The following FER1L5 variants were observed in gnomAD, a reference collection of about 807,000 sequenced individuals.
FER1L5 encodes the protein fer-1-like protein 5.
In FER1L5, 187 loss-of-function variants were observed where a neutral mutation model predicts 279.9. The ratio of observed to expected loss-of-function variants is 0.67; its 90% CI spans 0.59 to 0.75. The LOEUF (loss-of-function observed/expected upper bound fraction) is 0.75. Among genes scored for constraint, FER1L5 ranks in the 30% least tolerant of loss-of-function variants. The pLI, the probability that FER1L5 is intolerant of heterozygous loss-of-function variation, is 0.00. For synonymous variants in FER1L5, 921 were observed against 989.7 expected (o/e 0.93, Z 1.30); for missense variants, 2,091 against 2,594.4 (o/e 0.81, Z 4.21).
chr2:96,700,196 CCCTGGAG>C (rs1204686354), intron 44 of FER1L5, 116 bp downstream of exon 44: 1 of 1,550,414 alleles, frequency 6.4e-7, no homozygotes, highest in Non-Finnish European at 8.7e-7. Context: ...GGAAAGAGCT[CCCTGGAG>C]CCAAAGAGCA....
rs981602534 is a variant in FER1L5, at chr2:96,650,344, T to C, written c.504+55T>C. The C allele has an allele frequency of 4.8e-6, 7 of 1,456,684 alleles. No homozygotes were observed. In the African/African-American group the frequency reaches 9.8e-5, roughly 20 times the overall value. 90.2% of individuals were successfully genotyped at this position (1,456,684 alleles called of 1,614,324 possible). ...GGACTCACCTGACACTCTTGTTTGC[T>C]GTGTTCCCAGGCCACCTCACCCCTC... On this transcript the variant is annotated intron_variant, in intron 6 of 52. Coordinates refer to ENST00000624922, the MANE Select transcript of FER1L5 (RefSeq NM_001293083.2).
chr2:96,701,064 A>T (rs1034123481), intron 45 of FER1L5, among the ~76,000 whole-genome samples: 7 of 152,200 alleles, frequency 4.6e-5, no homozygotes, highest in African/African-American at 1.7e-4. Flanking sequence ...CTGTAATCCC[A>T]GCCTGTGGGA....
At chr2:96,677,062 G>A (rs1456016581) in intron 19 of FER1L5, among the ~76,000 whole-genome samples, 9 of 152,136 alleles carry the variant, frequency 5.9e-5, no homozygotes, top group African/African-American at 2.2e-4. Flanking sequence ...GGCTGGTCTC[G>A]AACTCCTGAC....
chr2:96,648,335 A>G (rs2075223039), intron 4 of FER1L5, among the ~76,000 whole-genome samples: 1 of 152,196 alleles, frequency 6.6e-6, no homozygotes, highest in Admixed American at 6.5e-5. Flanking sequence ...AGCAAAGGCT[A>G]TTTTTTCAGA....
chr2:96,699,538 C>T lies in FER1L5; in HGVS notation c.4611-12C>T, dbSNP rs778449217. On this transcript the variant is annotated splice_polypyrimidine_tract_variant and intron_variant, in intron 42 of 52. Transcript: ENST00000624922. ...CCCACATCCTCTGCAGTCTCCAACA[C>T]CTCACCCCTAGGATGTTTGAACTCA... The T allele has an allele frequency of 1.9e-6, 3 of 1,610,266 alleles. No individual in the cohort carries two copies. The highest frequency in any genetic ancestry group is 3.3e-5 in the Admixed American group (2 of 59,906).
intron 27 of FER1L5, 145 bp downstream of exon 27, chr2:96,690,734 A>G: frequency 1.5e-6 from 1 of 688,510 alleles, no homozygotes; most frequent in Non-Finnish European, 2.5e-6. Flanking sequence ...CTGGGTCTCC[A>G]GCGTTTCCTT....
intron 24 of FER1L5, 116 bp downstream of exon 24, chr2:96,688,063 T>A: frequency 1.5e-6 from 2 of 1,328,248 alleles, no homozygotes; most frequent in Non-Finnish European, 2.1e-6. Context: ...AGGGAGGGTG[T>A]AGCTGCAGTA....
At position 96,693,988 on chromosome 2, in the gene FER1L5, C is replaced by G. The variant is rs372884591; in HGVS notation, c.3552C>G (p.Pro1184=). ...ATCTCCAGGACCGGATCCTGCCCCC[C>G]ATGAGGTGGCATCCCCTTGTAAAGG... ...WLDLQDRILP[P]MRWHPLVKEL... is the part of the protein sequence containing the mutation. The change falls in exon 33 of 53, where the codon CCC becomes CCG. Residue 1184 remains proline (P), a synonymous_variant. Coordinates refer to ENST00000624922, the MANE Select transcript of FER1L5 (RefSeq NM_001293083.2). 2 of 1,551,368 alleles carry G rather than the reference C, an allele frequency of 1.3e-6. No homozygotes were observed. The highest frequency in any genetic ancestry group is 1.7e-6 in the Non-Finnish European group (2 of 1,146,972).
chr2:96,653,584 C>T (rs1171414779), intron 7 of FER1L5, 56 bp from the exon 8 acceptor site: 8 of 1,343,124 alleles, frequency 6.0e-6, no homozygotes, highest in Non-Finnish European at 8.4e-6. Context: ...TTACTGAGTG[C>T]TTGGGTGAAG....
At chr2:96,675,184 A>T (rs1484755816) in intron 19 of FER1L5, among the ~76,000 whole-genome samples, 1 of 152,150 alleles carries the variant, frequency 6.6e-6, no homozygotes, top group African/African-American at 2.4e-5. Flanking sequence ...TGTGTGCTAT[A>T]TGTAGGCATT....
At chr2:96,673,046 G>A in intron 18 of FER1L5, 31 bp from the exon 19 acceptor site, 1 of 1,547,888 alleles carries the variant, frequency 6.5e-7, no homozygotes, top group Non-Finnish European at 8.7e-7. Flanking sequence ...TATGTACTGG[G>A]TATGGGGGGT....
chr2:96,679,408 G>C (rs1473992810), intron 19 of FER1L5, among the ~76,000 whole-genome samples: 3 of 152,146 alleles, frequency 2.0e-5, no homozygotes, highest in African/African-American at 7.2e-5. Context: ...ATTTTTAGTA[G>C]AGACGGGGTT....
At chr2:96,671,707 C>T (rs1297946411) in intron 18 of FER1L5, among the ~76,000 whole-genome samples, 2 of 152,276 alleles carry the variant, frequency 1.3e-5, no homozygotes, top group African/African-American at 4.8e-5. Flanking sequence ...ATGAGGATGC[C>T]ACAGTCTAAG....
chr2:96,674,681 T>A (rs1306743183), intron 19 of FER1L5, among the ~76,000 whole-genome samples: 1 of 152,074 alleles, frequency 6.6e-6, no homozygotes, highest in Non-Finnish European at 1.5e-5. Flanking sequence ...GTATGTATAG[T>A]TTAAAGAAGA....
chr2:96,700,352 C>T lies in FER1L5; in HGVS notation c.4951C>T (p.His1651Tyr). Reference sequence around the variant, plus strand: ...TCCAGAGCCCAAAACCCCTACTGTTCATGGTTTGGGACCCAAGAAGGAACG... The same window carrying T: ...TCCAGAGCCCAAAACCCCTACTGTTTATGGTTTGGGACCCAAGAAGGAACG... The part of the protein sequence containing the change: ...QSFEPKTPTV[H>Y]GLGPKKERLA... The change falls in exon 45 of 53, where the codon CAT (histidine) becomes TAT (tyrosine). Residue 1651 changes from histidine (H) to tyrosine (Y), a missense_variant. His to Tyr is a moderately conservative substitution (Grantham distance 83). Coordinates refer to ENST00000624922, the MANE Select transcript of FER1L5 (RefSeq NM_001293083.2). The T allele has an allele frequency of 1.9e-6, 3 of 1,613,540 alleles. No homozygotes were observed. Among genetic ancestry groups the T allele is most frequent in the Non-Finnish European group, 2.5e-6 (3 of 1,179,862 alleles).
intron 19 of FER1L5, among the ~76,000 whole-genome samples, chr2:96,673,577 C>T (rs1036342794): frequency 3.3e-5 from 5 of 152,072 alleles, no homozygotes; most frequent in African/African-American, 7.3e-5. Flanking sequence ...TTCACGCATC[C>T]ATCTATTTTT....
At position 96,691,872 on chromosome 2, in the gene FER1L5, A is replaced by G. The variant is rs377032389; in HGVS notation, c.3123A>G (p.Thr1041=). Residue 1041 remains threonine (T), a synonymous_variant, in exon 30 of 53, where the codon ACA becomes ACG. Transcript: ENST00000624922. This position sits in a 1 kb window ranked among gnomAD's most constrained non-coding sequence, Gnocchi z 6.0. The part of the protein sequence containing the change: ...YHAGKEEDSK[T]WPWGLDRQFR... Reference sequence around the variant, plus strand: ...CTGGGAAGGAAGAGGACAGCAAGACATGGCCATGGGGTCTGGACAGACAGT... The same window carrying G: ...CTGGGAAGGAAGAGGACAGCAAGACGTGGCCATGGGGTCTGGACAGACAGT... The G allele has an allele frequency of 1.9e-6, 3 of 1,551,558 alleles. No homozygotes were observed. Among genetic ancestry groups the G allele is most frequent in the Non-Finnish European group, 2.6e-6 (3 of 1,146,972 alleles).
At chr2:96,704,161 T>G in intron 51 of FER1L5, 54 bp from the exon 52 acceptor site, 1 of 1,598,286 alleles carries the variant, frequency 6.3e-7, no homozygotes, top group South Asian at 1.1e-5. Flanking sequence ...ATCAGATTAC[T>G]TGACCTGAAG....
At position 96,691,501 on chromosome 2, in the gene FER1L5, C is replaced by G. The variant is rs748882176; in HGVS notation, c.2964C>G (p.Phe988Leu). 134 of 1,549,834 alleles carry G rather than the reference C, an allele frequency of 8.6e-5. No individual in the cohort carries two copies. The highest frequency in any genetic ancestry group is 1.1e-4 in the Non-Finnish European group (128 of 1,146,432). ...GWEYDTFGSK[F>L]HLNPQPQSRF... The stretch of plus-strand genomic sequence containing the variant: ...AGTATGACACCTTCGGCTCCAAGTT[C>G]CACCTCAACCCTCAGCCCCAGAGCC... Residue 988 changes from phenylalanine (F) to leucine (L), a missense_variant, in exon 29 of 53, where the codon TTC becomes TTG. Transcript: ENST00000624922. The surrounding 1 kb of genome is among the most constrained non-coding windows in gnomAD (Gnocchi z 6.0).
Sources: gnomAD v4.1 joint callset for allele counts (sites outside exome capture counted in the v4.1 genomes callset) on GRCh38, gnomAD v4.1.1 for gene constraint, Gnocchi (gnomAD v3.1) non-coding constraint, MANE v1.5 for transcripts, NCBI Gene and HGNC (gene_info 2026-07-23, HGNC 2026-07-21) for gene names.